The following ZMYM4 variants were observed in gnomAD, a reference collection of about 807,000 sequenced individuals.
ZMYM4 encodes zinc finger MYM-type containing 4, also known as zinc finger MYM-type protein 4.
ZMYM4 carries 31 observed loss-of-function variants against 183.2 expected under a neutral mutation model. The ratio of observed to expected loss-of-function variants is 0.17; its 90% CI spans 0.13 to 0.23. The LOEUF is 0.23. Among genes scored for constraint, ZMYM4 ranks in the 10% least tolerant of loss-of-function variants. ZMYM4 has a pLI of 1.00. For synonymous variants in ZMYM4, 592 were observed against 631.2 expected (o/e 0.94, Z 0.93); for missense variants, 1,273 against 1,840.3 (o/e 0.69, Z 5.64).
In ZMYM4 at chr1:35,371,251, G is replaced by A. The variant is rs573836324; in HGVS notation, c.1181+624G>A. Among the ~76,000 whole-genome samples the A allele has an allele frequency of 5.3e-5, 8 of 152,068 alleles. No individual in the cohort carries two copies. The South Asian group carries it at 1.5e-3, about 28-fold the overall frequency. ...CTGCCTCGGCCTCCTGAGTAGCTGG[G>A]ACTACAGGTGCCCGCCACCATGCCC... On this transcript the variant is annotated intron_variant, in intron 7 of 29. Coordinates refer to ENST00000314607, the MANE Select transcript of ZMYM4 (RefSeq NM_005095.3).
At chr1:35,367,372 G>T (rs1644110674) in intron 5 of ZMYM4, among the ~76,000 whole-genome samples, 1 of 151,846 alleles carries the variant, frequency 6.6e-6, no homozygotes, top group Non-Finnish European at 1.5e-5. Context: ...GGGATTACAG[G>T]CGTGCACCAC....
intron 1 of ZMYM4, among the ~76,000 whole-genome samples, chr1:35,273,730 G>A (rs1312855103): frequency 6.6e-6 from 1 of 152,146 alleles, no homozygotes; most frequent in Admixed American, 6.6e-5. Flanking sequence ...GTATATGCTT[G>A]TACATGTATG....
chr1:35,317,454 G>A (rs746473434), intron 1 of ZMYM4, among the ~76,000 whole-genome samples: 4 of 150,590 alleles, frequency 2.7e-5, no homozygotes, highest in East Asian at 1.9e-4. Context: ...TAAATAAATA[G>A]ATAGATAGAT....
At chr1:35,366,740 G>A (rs1318154450) in intron 5 of ZMYM4, among the ~76,000 whole-genome samples, 3 of 152,234 alleles carry the variant, frequency 2.0e-5, no homozygotes, top group East Asian at 1.9e-4. Context: ...GGCCAGGTGC[G>A]GTGGCTCACG....
intron 1 of ZMYM4, among the ~76,000 whole-genome samples, chr1:35,319,890 G>T (rs1642210522): frequency 6.6e-6 from 1 of 152,122 alleles, no homozygotes; most frequent in African/African-American, 2.4e-5. Context: ...ACACTCTATG[G>T]TTAAGTTTTT....
chr1:35,395,151 T>C (rs899908853), intron 18 of ZMYM4, among the ~76,000 whole-genome samples: 8 of 152,042 alleles, frequency 5.3e-5, no homozygotes, highest in Non-Finnish European at 1.0e-4. Flanking sequence ...TCAGTGCTTC[T>C]GGTTCATGGA....
At chr1:35,270,550 G>A (rs897431137) in intron 1 of ZMYM4, among the ~76,000 whole-genome samples, 1 of 152,156 alleles carries the variant, frequency 6.6e-6, no homozygotes, top group Non-Finnish European at 1.5e-5. Context: ...CTTGAGGCCA[G>A]GAGTTCGAGA....
At chr1:35,304,922 T>C (rs1429662321) in intron 1 of ZMYM4, among the ~76,000 whole-genome samples, 1 of 152,218 alleles carries the variant, frequency 6.6e-6, no homozygotes, top group Non-Finnish European at 1.5e-5. Flanking sequence ...CTCAGCTCAC[T>C]GCAACTTCTG....
intron 1 of ZMYM4, among the ~76,000 whole-genome samples, chr1:35,314,342 T>C (rs1641939999): frequency 6.6e-6 from 1 of 152,066 alleles, no homozygotes; most frequent in Non-Finnish European, 1.5e-5. Context: ...TGGAGTGCAG[T>C]GGCACAATCT....
chr1:35,345,501 C>T (rs879538485), intron 2 of ZMYM4, among the ~76,000 whole-genome samples: 1 of 151,730 alleles, frequency 6.6e-6, no homozygotes, highest in Non-Finnish European at 1.5e-5. Flanking sequence ...TGCCCAGGCT[C>T]TAGAGGGCAG....
rs888370693 is a variant in ZMYM4 at position 35,393,050 on chromosome 1, T to TA, written c.2766+375dup. On this transcript the variant is annotated intron_variant, in intron 17 of 29. Transcript: ENST00000314607. ...CTCTGACCCATTACAGATTATACTG[T>TA]AAAAAAAAATTCTTTTTTTAACCCA... 9.9e-5 allele frequency among the ~76,000 whole-genome samples: 15 copies of TA among 151,868 alleles called. 2 individuals carry two copies. Among genetic ancestry groups the TA allele is most frequent in the African/African-American group, 2.9e-4 (12 of 41,460 alleles).
rs550741529 is a variant in ZMYM4, at chr1:35,392,629, G to T, written c.2729-18G>T. On this transcript the variant is annotated intron_variant, in intron 16 of 29. Transcript: ENST00000314607. ...ATAATTGTAAAGATCCTAAATTTAT[G>T]TTTTAATTTATATCAAGGTGCAGTT... is the stretch of plus-strand genomic sequence containing the variant. The T allele has an allele frequency of 1.9e-6, 3 of 1,582,988 alleles. No individual in the cohort carries two copies. The Admixed American group carries it at 5.7e-5, about 30-fold the overall frequency.
chr1:35,389,781 A>ATATGTGTGTG lies in ZMYM4; in HGVS notation c.2437-166_2437-165insATGTGTGTGT, dbSNP rs1553179061. Among the ~76,000 whole-genome samples, 115 of 141,470 alleles carry ATATGTGTGTG rather than the reference A, an allele frequency of 8.1e-4. No homozygotes were observed. The East Asian group carries it at 0.011, about 14-fold the overall frequency. 92.8% of individuals were successfully genotyped at this position (141,470 alleles called of 152,430 possible). A position where few individuals can be genotyped will look rare whatever the true frequency, so the allele number is the denominator to read the frequency against. On this transcript the variant is annotated intron_variant, in intron 14 of 29. Coordinates refer to ENST00000314607, the MANE Select transcript of ZMYM4 (RefSeq NM_005095.3). The surrounding 1 kb of genome is among the most constrained non-coding windows in gnomAD (Gnocchi z 4.0). ...AAAAAAAAAAAAAATATATATATAT[A>ATATGTGTGTG]TGTGTGTGTGTGTGTGTGTGTGTGT...
At chr1:35,380,452 T>C (rs553716946) in intron 7 of ZMYM4, among the ~76,000 whole-genome samples, 41 of 152,212 alleles carry the variant, frequency 2.7e-4, no homozygotes, top group African/African-American at 9.6e-4. Flanking sequence ...CTCAACCTCC[T>C]GAGTAGCTGG....
chr1:35,320,807 G>A (rs1197509514), intron 1 of ZMYM4, among the ~76,000 whole-genome samples: 5 of 152,174 alleles, frequency 3.3e-5, no homozygotes, highest in Admixed American at 1.3e-4. Context: ...TCTGTGTTGC[G>A]AGACTGTTAT....
At chr1:35,417,460 G>A (rs920820895) in intron 28 of ZMYM4, among the ~76,000 whole-genome samples, 1 of 152,116 alleles carries the variant, frequency 6.6e-6, no homozygotes, top group Non-Finnish European at 1.5e-5. Context: ...TCCCAACAAA[G>A]ATGCCATTTC....
chr1:35,354,617 C>T (rs1643746829), intron 2 of ZMYM4, among the ~76,000 whole-genome samples: 1 of 150,546 alleles, frequency 6.6e-6, no homozygotes, highest in Non-Finnish European at 1.5e-5. Context: ...ATCCCAGCTA[C>T]TCAGGAGGCT....
intron 2 of ZMYM4, among the ~76,000 whole-genome samples, chr1:35,334,538 T>C (rs1222344565): frequency 6.6e-6 from 1 of 152,210 alleles, no homozygotes; most frequent in Non-Finnish European, 1.5e-5. Context: ...TTCTCTGTAT[T>C]GTCTAGTAAT....
At chr1:35,414,945 G>A (rs1640054217) in intron 27 of ZMYM4, among the ~76,000 whole-genome samples, 1 of 152,138 alleles carries the variant, frequency 6.6e-6, no homozygotes, top group Non-Finnish European at 1.5e-5. Flanking sequence ...CTACTCAGGA[G>A]GATGAGGTGG....
Sources: allele counts gnomAD v4.1 joint callset (sites outside exome capture counted in the v4.1 genomes callset), GRCh38; gene constraint gnomAD v4.1.1; non-coding constraint Gnocchi (gnomAD v3.1); transcripts MANE v1.5; gene names NCBI Gene and HGNC (gene_info 2026-07-23, HGNC 2026-07-21).